KIAA0825: variants seen among roughly 807,000 people sequenced by gnomAD.
KIAA0825 encodes uncharacterized protein KIAA0825.
Under a neutral mutation model 147.6 loss-of-function variants are expected in KIAA0825, and 119 were observed. That is an observed-to-expected ratio of 0.81 (90% CI 0.69 to 0.94). The LOEUF is 0.94. KIAA0825 is among the 40% of genes least tolerant of loss of function. KIAA0825 has a pLI of 0.00. For missense variants in KIAA0825, 1,381 were observed against 1,472.7 expected (o/e 0.94, Z 1.02); for synonymous variants, 470 against 518.1 (o/e 0.91, Z 1.26).
intron 1 of KIAA0825, chr5:94,594,187 C>A (rs1269408600): frequency 1.7e-6 from 1 of 574,928 alleles, no homozygotes; most frequent in Admixed American, 1.9e-5. Flanking sequence ...AGACTGGATT[C>A]TCAACTTGAA....
At chr5:94,594,722 G>A (rs557787616) in intron 1 of KIAA0825, 2 of 633,894 alleles carry the variant, frequency 3.2e-6, no homozygotes, top group African/African-American at 1.8e-5. Flanking sequence ...GGAACTCTAT[G>A]GCACTGTCAA....
intron 5 of KIAA0825, among the ~76,000 whole-genome samples, chr5:94,501,446 C>G (rs750583313): frequency 1.2e-4 from 18 of 152,092 alleles, no homozygotes; most frequent in Non-Finnish European, 2.5e-4. Flanking sequence ...ACAACCTATC[C>G]AAGGTTACAT....
intron 20 of KIAA0825, among the ~76,000 whole-genome samples, chr5:94,354,337 T>G (rs1167690599): frequency 6.6e-6 from 1 of 152,174 alleles, no homozygotes; most frequent in East Asian, 1.9e-4. Flanking sequence ...AAGTAGTGTT[T>G]CAATATGAAT....
At position 94,212,433 on chromosome 5, in the gene KIAA0825, G is replaced by A. The variant is rs192457076; in HGVS notation, c.3711-58309C>T. ...TTAGGAGACAACTTCATCAAGAAAC[G>A]TGAAGAGTCTGAGATTTTTCCCTTG... On this transcript the variant is annotated intron_variant, in intron 20 of 20. Transcript: ENST00000682413. 3.9e-5 allele frequency among the ~76,000 whole-genome samples: 6 copies of A among 152,224 alleles called. No homozygotes were observed. In the East Asian group the frequency reaches 9.7e-4, roughly 25 times the overall value.
intron 19 of KIAA0825, among the ~76,000 whole-genome samples, chr5:94,384,897 C>G (rs1435608557): frequency 6.6e-6 from 1 of 152,006 alleles, no homozygotes; most frequent in Non-Finnish European, 1.5e-5. Flanking sequence ...TTATAAGATA[C>G]AGCTTAATTA....
At chr5:94,591,895 A>C (rs760042565) in intron 1 of KIAA0825, among the ~76,000 whole-genome samples, 1 of 152,158 alleles carries the variant, frequency 6.6e-6, no homozygotes, top group Non-Finnish European at 1.5e-5. Context: ...CATTTATAAA[A>C]CCATCAGATC....
chr5:94,580,104 A>G (rs962704523), intron 2 of KIAA0825, among the ~76,000 whole-genome samples: 4 of 152,190 alleles, frequency 2.6e-5, no homozygotes, highest in African/African-American at 7.2e-5. Context: ...TAACTTCCCA[A>G]TGAAAACTGT....
intron 2 of KIAA0825, among the ~76,000 whole-genome samples, chr5:94,567,305 G>C (rs1266437680): frequency 6.6e-6 from 1 of 152,018 alleles, no homozygotes; most frequent in Admixed American, 6.5e-5. Context: ...TGAATGCTTT[G>C]ACTAAATATT....
At chr5:94,164,838 C>A (rs1767891979) in intron 20 of KIAA0825, among the ~76,000 whole-genome samples, 1 of 151,928 alleles carries the variant, frequency 6.6e-6, no homozygotes, top group Non-Finnish European at 1.5e-5. Context: ...CCCCATCTCT[C>A]GCCATATAAA....
chr5:94,545,622 C>A (rs937699884), intron 2 of KIAA0825, among the ~76,000 whole-genome samples: 10 of 152,130 alleles, frequency 6.6e-5, no homozygotes, highest in African/African-American at 2.2e-4. Context: ...AGAAAGAAAC[C>A]AGCTGCCTTG....
intron 16 of KIAA0825, 109 bp from the exon 17 acceptor site, chr5:94,396,618 A>C (rs1293425033): frequency 1.4e-5 from 12 of 850,008 alleles, no homozygotes; most frequent in Non-Finnish European, 2.0e-5. Flanking sequence ...ATTGGCAAGA[A>C]GATCAAGTGC....
intron 1 of KIAA0825, among the ~76,000 whole-genome samples, chr5:94,598,931 C>T (rs1785803321): frequency 6.6e-6 from 1 of 152,090 alleles, no homozygotes; most frequent in Non-Finnish European, 1.5e-5. Context: ...CTGCAATAAA[C>T]ATGGGGGTGA....
intron 14 of KIAA0825, among the ~76,000 whole-genome samples, chr5:94,439,054 GC>G (rs1471734025): frequency 2.0e-5 from 3 of 152,196 alleles, no homozygotes; most frequent in African/African-American, 7.2e-5. Flanking sequence ...AGATAGGTGA[GC>G]CAAGGTGTGG....
At chr5:94,156,403 A>C (rs1299474148) in intron 20 of KIAA0825, among the ~76,000 whole-genome samples, 1 of 152,226 alleles carries the variant, frequency 6.6e-6, no homozygotes, top group African/African-American at 2.4e-5. Flanking sequence ...AACATGAGAA[A>C]TTAGATTTGC....
intron 20 of KIAA0825, among the ~76,000 whole-genome samples, chr5:94,182,630 A>AGGGAG (rs1769767581): frequency 1.3e-5 from 2 of 151,808 alleles, no homozygotes; most frequent in Non-Finnish European, 2.9e-5. Flanking sequence ...TCTTCCCCTA[A>AGGGAG]GCAAGTACTG....
intron 16 of KIAA0825, among the ~76,000 whole-genome samples, chr5:94,401,372 C>T (rs1751353029): frequency 6.6e-6 from 1 of 151,990 alleles, no homozygotes; most frequent in African/African-American, 2.4e-5. Context: ...ATTGCATTCC[C>T]AGCACTAGTT....
intron 3 of KIAA0825, among the ~76,000 whole-genome samples, chr5:94,529,576 G>T (rs1054240416): frequency 3.3e-5 from 5 of 151,644 alleles, no homozygotes; most frequent in African/African-American, 1.2e-4. Flanking sequence ...TTTATGTAGA[G>T]AATATTTCTA....
At chr5:94,174,540 T>A (rs1204369065) in intron 20 of KIAA0825, among the ~76,000 whole-genome samples, 9 of 152,150 alleles carry the variant, frequency 5.9e-5, no homozygotes, top group African/African-American at 2.2e-4. Flanking sequence ...CAATTATGAA[T>A]TACATTTCCC....
chr5:94,474,961 T>G (rs989624503), intron 7 of KIAA0825, among the ~76,000 whole-genome samples: 1 of 151,958 alleles, frequency 6.6e-6, no homozygotes, highest in African/African-American at 2.4e-5. Context: ...TGGTGGCACG[T>G]GCCTGTAGTC....
Sources: gnomAD v4.1 joint callset for allele counts (sites outside exome capture counted in the v4.1 genomes callset) on GRCh38, gnomAD v4.1.1 for gene constraint, MANE v1.5 for transcripts, NCBI Gene and HGNC (gene_info 2026-07-23, HGNC 2026-07-21) for gene names.